SLC8A1: variants seen among roughly 807,000 people sequenced by gnomAD.
The protein encoded by SLC8A1 is sodium/calcium exchanger 1.
In SLC8A1, 18 loss-of-function variants were observed where a neutral mutation model predicts 68.3. The ratio of observed to expected loss-of-function variants is 0.26; its 90% CI spans 0.18 to 0.39. The LOEUF (loss-of-function observed/expected upper bound fraction) is 0.39. SLC8A1 is among the 10% of genes least tolerant of loss of function. SLC8A1 has a pLI of 1.00. For synonymous variants in SLC8A1, 475 were observed against 415.5 expected (o/e 1.14, Z -1.74); for missense variants, 985 against 1,156.7 (o/e 0.85, Z 2.15).
At chr2:40,235,472 T>C (rs1398265915) in intron 2 of SLC8A1, among the ~76,000 whole-genome samples, 1 of 152,216 alleles carries the variant, frequency 6.6e-6, no homozygotes, top group Non-Finnish European at 1.5e-5. Context: ...TTATTGCGTC[T>C]ATTTGAGTCT....
At position 40,130,041 on chromosome 2, in the gene SLC8A1, T is replaced by G. The variant is rs529916755; in HGVS notation, c.2437+9360A>C. ...TCCTGATTCCCCTCCAGCTTTGTAC[T>G]CAATGCCAGGTGCCCATGCAGTACT... is the stretch of plus-strand genomic sequence containing the variant. On this transcript the variant is annotated intron_variant, in intron 7 of 7. Transcript: ENST00000406785. Among the ~76,000 whole-genome samples, 6 of 152,294 alleles carry G rather than the reference T, an allele frequency of 3.9e-5. No homozygotes were observed. In the South Asian group the frequency reaches 1.0e-3, roughly 26 times the overall value.
chr2:40,230,340 A>C (rs1159426147), intron 2 of SLC8A1, among the ~76,000 whole-genome samples: 5 of 152,040 alleles, frequency 3.3e-5, no homozygotes, highest in African/African-American at 4.8e-5. Context: ...TCCCTTTAAC[A>C]CTTCCTGGAA....
intron 2 of SLC8A1, among the ~76,000 whole-genome samples, chr2:40,263,899 A>G (rs2065026293): frequency 6.6e-6 from 1 of 152,250 alleles, no homozygotes; most frequent in Non-Finnish European, 1.5e-5. Context: ...AACTACCATC[A>G]GAGTGAACAG....
chr2:40,454,892 C>A (rs1702912376), upstream of SLC8A1, among the ~76,000 whole-genome samples: 1 of 152,182 alleles, frequency 6.6e-6, no homozygotes, highest in Admixed American at 6.5e-5. Context: ...AAAAGTGAGG[C>A]TGCTGCAGTC....
chr2:40,339,073 G>A lies in SLC8A1; in HGVS notation c.1808+89400C>T, dbSNP rs370178813. Among the ~76,000 whole-genome samples, 27 of 152,210 alleles carry A rather than the reference G, an allele frequency of 1.8e-4. No individual in the cohort carries two copies. The East Asian group carries it at 3.7e-3, about 21-fold the overall frequency. ...CCACAACTCAGATCACATAAACCTA[G>A]GATCTGTCTGATTTTCAAGAACCAA... On this transcript the variant is annotated intron_variant, in intron 2 of 7. Coordinates refer to ENST00000406785, the Ensembl canonical transcript of SLC8A1.
chr2:40,244,340 C>G (rs1048694868), intron 2 of SLC8A1, among the ~76,000 whole-genome samples: 2 of 152,116 alleles, frequency 1.3e-5, no homozygotes, highest in Admixed American at 1.3e-4. Flanking sequence ...GTTTCCACAT[C>G]TATTATCTCT....
intron 2 of SLC8A1, among the ~76,000 whole-genome samples, chr2:40,197,706 A>C (rs1192956264): frequency 6.6e-6 from 1 of 151,908 alleles, no homozygotes; most frequent in Admixed American, 6.6e-5. Flanking sequence ...TTCCAAGTGA[A>C]ACTGCTTGTC....
intron 2 of SLC8A1, among the ~76,000 whole-genome samples, chr2:40,291,984 A>G (rs994572459): frequency 2.0e-5 from 3 of 151,384 alleles, no homozygotes; most frequent in Admixed American, 6.6e-5. Context: ...TAATCAACGT[A>G]TGTCAGAGAT....
chr2:40,211,815 C>G (rs765451099), intron 2 of SLC8A1, among the ~76,000 whole-genome samples: 3 of 152,146 alleles, frequency 2.0e-5, no homozygotes, highest in Non-Finnish European at 4.4e-5. Context: ...GGGAGTGATA[C>G]AGAATCCGGA....
At chr2:40,432,586 A>C (rs186651542) in intron 1 of SLC8A1, among the ~76,000 whole-genome samples, 2 of 151,634 alleles carry the variant, frequency 1.3e-5, no homozygotes, top group African/African-American at 2.4e-5. Flanking sequence ...AAAGGTCCTA[A>C]TGGGAATCAT....
intron 2 of SLC8A1, among the ~76,000 whole-genome samples, chr2:40,223,366 G>C (rs1198245686): frequency 6.6e-6 from 1 of 152,060 alleles, no homozygotes; most frequent in Non-Finnish European, 1.5e-5. Context: ...GGGCCTGTCA[G>C]GGGGTGGGGA....
intron 2 of SLC8A1, among the ~76,000 whole-genome samples, chr2:40,376,583 AAAAGGG>A (rs1041981995): frequency 9.2e-5 from 14 of 151,910 alleles, no homozygotes; most frequent in African/African-American, 3.4e-4. Flanking sequence ...AAAAGAAAGG[AAAAGGG>A]AAAGGGAAAA....
chr2:40,186,317 G>T (rs972147724), intron 2 of SLC8A1, among the ~76,000 whole-genome samples: 18 of 152,130 alleles, frequency 1.2e-4, no homozygotes, highest in Non-Finnish European at 1.8e-4. Flanking sequence ...CTTGCCATGG[G>T]TTGCCTTTGT....
chr2:40,490,288 T>G (rs1576658108), intron 1 of SLC8A1, among the ~76,000 whole-genome samples: 1 of 152,170 alleles, frequency 6.6e-6, no homozygotes, highest in Non-Finnish European at 1.5e-5. Context: ...GTTTTAACTT[T>G]TGATTTTTGA....
intron 2 of SLC8A1, among the ~76,000 whole-genome samples, chr2:40,272,489 T>TA (rs1367130448): frequency 6.6e-6 from 1 of 152,062 alleles, no homozygotes; most frequent in Non-Finnish European, 1.5e-5. Flanking sequence ...AGAAGCTCCT[T>TA]AGGTAAACAA....
upstream of SLC8A1, among the ~76,000 whole-genome samples, chr2:40,454,812 T>G (rs1179533737): frequency 6.6e-6 from 1 of 152,216 alleles, no homozygotes; most frequent in Non-Finnish European, 1.5e-5. Flanking sequence ...GAGTGAGTTT[T>G]TATTGCGAGA....
chr2:40,129,787 C>G (rs1572900313), intron 7 of SLC8A1, among the ~76,000 whole-genome samples: 1 of 152,176 alleles, frequency 6.6e-6, no homozygotes, highest in Admixed American at 6.5e-5. Flanking sequence ...CTACCAAGTG[C>G]CCTTGCTCTG....
intron 2 of SLC8A1, among the ~76,000 whole-genome samples, chr2:40,390,139 T>C (rs1018556700): frequency 1.2e-4 from 19 of 152,228 alleles, no homozygotes; most frequent in Non-Finnish European, 2.5e-4. Flanking sequence ...CACAACCTAG[T>C]CACTGTAGTA....
rs545105215 is a variant in SLC8A1 at position 40,386,311 on chromosome 2, CA to C, written c.1808+42161del. Among the ~76,000 whole-genome samples the C allele has an allele frequency of 4.6e-3, 688 of 150,912 alleles. 9 individuals carry two copies. Among genetic ancestry groups the C allele is most frequent in the Middle Eastern group, 0.01 (3 of 294 alleles). On this transcript the variant is annotated intron_variant, in intron 2 of 7. Coordinates refer to ENST00000406785, the Ensembl canonical transcript of SLC8A1. ...TTTTATAATGAGTCTATTTTACTTT[CA>C]AATGGTAAATGTGTGTGTGTATATA...
Sources: allele counts gnomAD v4.1 joint callset (sites outside exome capture counted in the v4.1 genomes callset), GRCh38; gene constraint gnomAD v4.1.1; transcripts MANE v1.5; gene names NCBI Gene and HGNC (gene_info 2026-07-23, HGNC 2026-07-21).